PIK3CA: variants seen among roughly 807,000 people sequenced by gnomAD.
The protein encoded by PIK3CA is phosphatidylinositol-4,5-bisphosphate 3-kinase catalytic subunit alpha.
PIK3CA carries 27 observed loss-of-function variants against 138.2 expected under a neutral mutation model. The observed-to-expected ratio is 0.20, with a 90% confidence interval of 0.14 to 0.27. The LOEUF is 0.27. PIK3CA is among the 10% of genes least tolerant of loss of function. PIK3CA has a pLI of 1.00. For synonymous variants in PIK3CA, 358 were observed against 413.2 expected, an observed-to-expected ratio of 0.87 and a Z score of 1.62; for missense variants, 544 against 1,277.4, an observed-to-expected ratio of 0.43 and a Z score of 8.75.
chr3:179,222,596 AAC>A (rs961410741), intron 14 of PIK3CA, among the ~76,000 whole-genome samples: 2 of 152,184 alleles, frequency 1.3e-5, no homozygotes, highest in Non-Finnish European at 2.9e-5. Context: ...GAAAACACAA[AAC>A]ACAGTATCCA....
In PIK3CA at chr3:179,238,902, C is replaced by A. The variant is rs1037906156; in HGVS notation, c.*4538C>A. ...GAGTTTCCCAAGTTGGGATGTTAGTCTTTAAATAAACTTCATGCACCTATT... is the reference window on the plus strand; with the variant it reads ...GAGTTTCCCAAGTTGGGATGTTAGTATTTAAATAAACTTCATGCACCTATT... On this transcript the variant is annotated 3_prime_UTR_variant, in exon 21 of 21. Transcript: ENST00000263967. 7.8e-5 allele frequency: 17 copies of A among 218,614 alleles called. No homozygotes were observed. The highest frequency in any genetic ancestry group is 3.8e-4 in the African/African-American group (17 of 44,558). The allele number at this position is 218,614 out of a possible 1,614,324, so 13.5% of individuals were successfully genotyped here. A position where few individuals can be genotyped will look rare whatever the true frequency, so the allele number is the denominator to read the frequency against.
At chr3:179,168,061 T>A (rs1298507148) in intron 1 of PIK3CA, among the ~76,000 whole-genome samples, 1 of 152,180 alleles carries the variant, frequency 6.6e-6, no homozygotes. Flanking sequence ...TTAAAGTTTA[T>A]CTCAGGACTG....
In PIK3CA at chr3:179,203,819, T is replaced by TA. The variant is rs1260828086; in HGVS notation, c.1059+31dup. 5 of 1,496,260 alleles carry TA rather than the reference T, an allele frequency of 3.3e-6. No homozygotes were observed. In the African/African-American group the frequency reaches 7.0e-5, roughly 21 times the overall value. The allele number at this position is 1,496,260 out of a possible 1,614,324, so 92.7% of individuals were successfully genotyped here. A position where few individuals can be genotyped will look rare whatever the true frequency, so the allele number is the denominator to read the frequency against. On this transcript the variant is annotated intron_variant, in intron 5 of 20. Transcript: ENST00000263967. ...AGTCAAATGCTGATGCTTATTATTTTATAGAAATTATTTTAGATAACCTTT... is the reference window on the plus strand; with the variant it reads ...AGTCAAATGCTGATGCTTATTATTTTAATAGAAATTATTTTAGATAACCTTT...
In PIK3CA at chr3:179,230,385, G is replaced by A. The variant is rs756341833; in HGVS notation, c.2936+9G>A. The A allele has an allele frequency of 1.4e-5, 22 of 1,576,314 alleles. No individual in the cohort carries two copies. Among genetic ancestry groups the A allele is most frequent in the East Asian group, 6.7e-5 (3 of 44,682 alleles). On this transcript the variant is annotated intron_variant, in intron 20 of 20. Coordinates refer to ENST00000263967, the MANE Select transcript of PIK3CA (RefSeq NM_006218.4). The surrounding 1 kb of genome is among the most constrained non-coding windows in gnomAD (Gnocchi z 5.4). ...ACAAGAGAATTTGAGAGGTGAGCTC[G>A]AGCAATTAAAAACACAAAATAAAGA...
At position 179,182,670 on chromosome 3, in the gene PIK3CA, CA is replaced by C. The variant is rs1165014148; in HGVS notation, c.-76-16071del. 4.4e-3 allele frequency among the ~76,000 whole-genome samples: 658 copies of C among 149,258 alleles called. 1 individual carries two copies. The highest frequency in any genetic ancestry group is 0.015 in the African/African-American group (614 of 40,710). On this transcript the variant is annotated intron_variant, in intron 1 of 20. Transcript: ENST00000263967. ...TGGATAACTGAGAGAGACCCTGTCT[CA>C]AAAAAAAAGGGTAATATTCTACTCA...
At chr3:179,150,689 T>G (rs1428892307) in intron 1 of PIK3CA, among the ~76,000 whole-genome samples, 1 of 152,182 alleles carries the variant, frequency 6.6e-6, no homozygotes, top group Non-Finnish European at 1.5e-5. Context: ...GTGGCAGAGC[T>G]TCCTTCCTGT....
chr3:179,165,923 C>G (rs1723406824), intron 1 of PIK3CA, among the ~76,000 whole-genome samples: 1 of 152,166 alleles, frequency 6.6e-6, no homozygotes, highest in Non-Finnish European at 1.5e-5. Flanking sequence ...CCCAGACTCA[C>G]TCTCCTAGAC....
Position 179,218,196 on chromosome 3 carries a change from A to T in PIK3CA, c.1540-14A>T. The T allele has an allele frequency of 6.5e-7, 1 of 1,540,930 alleles. No individual in the cohort carries two copies. The highest frequency in any genetic ancestry group is 1.4e-5 in the African/African-American group (1 of 72,166). ...GACAAAGAAAGCTATATAAGATATT[A>T]TTTTATTTTACAGAGTAACAGACTA... is the stretch of plus-strand genomic sequence containing the variant. On this transcript the variant is annotated splice_polypyrimidine_tract_variant and intron_variant, in intron 9 of 20. Transcript: ENST00000263967.
At chr3:179,194,894 T>A (rs941950002) in intron 1 of PIK3CA, among the ~76,000 whole-genome samples, 1 of 152,046 alleles carries the variant, frequency 6.6e-6, no homozygotes, top group Non-Finnish European at 1.5e-5. Context: ...GTTATCACAT[T>A]GTTAAAGTCG....
At chr3:179,172,116 A>T (rs903941153) in intron 1 of PIK3CA, among the ~76,000 whole-genome samples, 2 of 152,168 alleles carry the variant, frequency 1.3e-5, no homozygotes, top group East Asian at 3.8e-4. Flanking sequence ...GTAATATACC[A>T]TACTAATAAG....
chr3:179,190,102 C>T (rs1448837393), intron 1 of PIK3CA, among the ~76,000 whole-genome samples: 1 of 152,174 alleles, frequency 6.6e-6, no homozygotes, highest in Non-Finnish European at 1.5e-5. Context: ...AATTACGCTT[C>T]TTAGCCCTCA....
intron 1 of PIK3CA, among the ~76,000 whole-genome samples, chr3:179,158,213 CTT>C (rs1723186415): frequency 6.6e-6 from 1 of 151,788 alleles, no homozygotes; most frequent in Non-Finnish European, 1.5e-5. Context: ...TTCGTTAAAA[CTT>C]TTAAAATTTC....
chr3:179,204,421 G>A, intron 5 of PIK3CA, 82 bp from the exon 6 acceptor site: 1 of 642,016 alleles, frequency 1.6e-6, no homozygotes. Context: ...AAATTCCGTG[G>A]TTTTATATTT....
chr3:179,227,519 G>T (rs1160943040), intron 17 of PIK3CA, among the ~76,000 whole-genome samples: 1 of 152,010 alleles, frequency 6.6e-6, no homozygotes, highest in Non-Finnish European at 1.5e-5. Flanking sequence ...AATTTGTAGG[G>T]CCAGGGCTTC....
intron 1 of PIK3CA, among the ~76,000 whole-genome samples, chr3:179,173,404 C>CAA (rs749831764): frequency 0.16 from 6,856 of 43,044 alleles, 690 homozygotes; most frequent in African/African-American, 0.31. Context: ...GCTAAAAATA[C>CAA]AAAAAAAAAA....
chr3:179,162,549 A>G (rs1304733878), intron 1 of PIK3CA, among the ~76,000 whole-genome samples: 1 of 152,122 alleles, frequency 6.6e-6, no homozygotes, highest in Non-Finnish European at 1.5e-5. Context: ...TCCTAGGAAA[A>G]CCAAGAGTCA....
intron 1 of PIK3CA, among the ~76,000 whole-genome samples, chr3:179,173,091 A>T (rs1377598719): frequency 6.6e-6 from 1 of 152,048 alleles, no homozygotes; most frequent in East Asian, 1.9e-4. Context: ...GATTTAATGA[A>T]ATGTAACATT....
chr3:179,209,528 G>T, intron 6 of PIK3CA, 67 bp from the exon 7 acceptor site: 1 of 826,900 alleles, frequency 1.2e-6, no homozygotes, highest in Non-Finnish European at 1.9e-6. Flanking sequence ...TGATTTGTAG[G>T]AGTCATTTAT....
chr3:179,233,807 T>G (rs1725266773), intron 20 of PIK3CA, among the ~76,000 whole-genome samples: 1 of 152,186 alleles, frequency 6.6e-6, no homozygotes, highest in South Asian at 2.1e-4. Flanking sequence ...AAGGATTTAG[T>G]ATGAACCAAT....
Sources: gnomAD v4.1 joint callset for allele counts (sites outside exome capture counted in the v4.1 genomes callset) on GRCh38, gnomAD v4.1.1 for gene constraint, Gnocchi (gnomAD v3.1) non-coding constraint, MANE v1.5 for transcripts, NCBI Gene and HGNC (gene_info 2026-07-23, HGNC 2026-07-21) for gene names.